Variants in ZNF710 observed in about 807,000 individuals in gnomAD.
ZNF710 encodes zinc finger protein 710.
A neutral mutation model predicts 50.6 loss-of-function variants in ZNF710; 13 were observed. That is an observed-to-expected ratio of 0.26 (90% confidence interval 0.17 to 0.41). ZNF710 has a LOEUF of 0.41. Ranked by LOEUF, ZNF710 falls within the 10% of genes least tolerant of loss-of-function variation. ZNF710 has a pLI of 1.00. For synonymous variants in ZNF710, 383 were observed against 397.0 expected, an observed-to-expected ratio of 0.96 and a Z score of 0.42; for missense variants, 721 against 936.6, an observed-to-expected ratio of 0.77 and a Z score of 3.01.
At chr15:90,060,165 T>A (rs1386357662) in intron 1 of ZNF710, among the ~76,000 whole-genome samples, 3 of 150,084 alleles carry the variant, frequency 2.0e-5, no homozygotes, top group African/African-American at 7.3e-5. Flanking sequence ...GGACTGAGCT[T>A]ACGCAAGTCA....
chr15:90,008,441 C>CATATATATATATACATATATATAT (rs1011267136), intron 1 of ZNF710, among the ~76,000 whole-genome samples: 8 of 126,470 alleles, frequency 6.3e-5, no homozygotes, highest in African/African-American at 2.7e-4. Flanking sequence ...TATATATATA[C>CATATATATATATACATATATATAT]ATATATATAT....
rs191561365 is a variant in ZNF710, at chr15:90,039,773, C to T, written c.-28-27337C>T. Among the ~76,000 whole-genome samples the T allele has an allele frequency of 5.5e-4, 83 of 152,260 alleles. 1 individual carries two copies. In the East Asian group the frequency reaches 0.014, roughly 25 times the overall value. On this transcript the variant is annotated intron_variant, in intron 1 of 4. Coordinates refer to ENST00000268154, the MANE Select transcript of ZNF710 (RefSeq NM_198526.4). ...GCACCTCTTTCACCTCCTTGGGTTT[C>T]CTCTGCATCTGCCGTGGTCTGGGAA... is the stretch of plus-strand genomic sequence containing the variant.
intron 1 of ZNF710, among the ~76,000 whole-genome samples, chr15:90,047,436 A>G (rs1039792994): frequency 1.3e-5 from 2 of 152,328 alleles, no homozygotes; most frequent in African/African-American, 4.8e-5. Context: ...TCAGGCCTTC[A>G]ACTCTAGAGT....
chr15:90,045,830 G>A (rs1899442591), intron 1 of ZNF710, among the ~76,000 whole-genome samples: 1 of 152,182 alleles, frequency 6.6e-6, no homozygotes, highest in Admixed American at 6.5e-5. Flanking sequence ...TTGAGCTGGA[G>A]GCCAGAGAGG....
chr15:90,014,192 A>C (rs960211874), intron 1 of ZNF710, among the ~76,000 whole-genome samples: 1 of 152,020 alleles, frequency 6.6e-6, no homozygotes, highest in South Asian at 2.1e-4. Context: ...TGAGGTCTCT[A>C]CTTGTTCTAA....
intron 3 of ZNF710, 110 bp from the exon 4 acceptor site, chr15:90,074,006 A>AAAAAAC: frequency 8.1e-7 from 1 of 1,235,992 alleles, no homozygotes; most frequent in Non-Finnish European, 1.1e-6. Flanking sequence ...AAAACAAAAA[A>AAAAAAC]AAAAAACAAA....
chr15:90,012,098 G>A (rs963676157), intron 1 of ZNF710, among the ~76,000 whole-genome samples: 8 of 151,956 alleles, frequency 5.3e-5, no homozygotes, highest in African/African-American at 4.8e-5. Context: ...CCAGCTACTC[G>A]GGAGGCTGAG....
At chr15:90,000,579 C>G (rs919304826), upstream of ZNF710, among the ~76,000 whole-genome samples, 9 of 152,186 alleles carry the variant, frequency 5.9e-5, no homozygotes, top group African/African-American at 2.2e-4. Flanking sequence ...GCTCGGAGCC[C>G]GCGCCGCTCC....
chr15:90,064,509 A>T (rs1900108282), intron 1 of ZNF710, among the ~76,000 whole-genome samples: 1 of 152,118 alleles, frequency 6.6e-6, no homozygotes, highest in South Asian at 2.1e-4. Context: ...TTCCTTTGAG[A>T]CAGAGTCTCA....
chr15:90,008,302 G>A (rs1421581681), intron 1 of ZNF710, among the ~76,000 whole-genome samples: 1 of 150,502 alleles, frequency 6.6e-6, no homozygotes, highest in Non-Finnish European at 1.5e-5. Flanking sequence ...TGTGTTGTTT[G>A]AATTTTTATC....
At chr15:90,027,191 A>C (rs1170868444) in intron 1 of ZNF710, among the ~76,000 whole-genome samples, 1 of 152,186 alleles carries the variant, frequency 6.6e-6, no homozygotes, top group African/African-American at 2.4e-5. Context: ...CTACCTTAAA[A>C]AATTGTAACT....
At chr15:90,057,013 A>G (rs1596292541) in intron 1 of ZNF710, among the ~76,000 whole-genome samples, 1 of 151,668 alleles carries the variant, frequency 6.6e-6, no homozygotes. Flanking sequence ...CTCCTCAGAC[A>G]CCCACCCCGC....
intron 1 of ZNF710, among the ~76,000 whole-genome samples, chr15:90,038,518 C>T (rs949798281): frequency 3.9e-5 from 6 of 152,174 alleles, no homozygotes; most frequent in Non-Finnish European, 8.8e-5. Context: ...TTTGCAACCA[C>T]GGTGCCATCA....
intron 1 of ZNF710, among the ~76,000 whole-genome samples, chr15:90,021,578 AT>A (rs2151475517): frequency 6.6e-6 from 1 of 152,284 alleles, no homozygotes; most frequent in East Asian, 1.9e-4. Context: ...ATCAGCAAAC[AT>A]TTACCAACTA....
chr15:90,071,251 GA>G (rs1900371430), intron 2 of ZNF710, among the ~76,000 whole-genome samples: 1 of 133,906 alleles, frequency 7.5e-6, no homozygotes, highest in South Asian at 2.6e-4. Context: ...ACAAAAGCAA[GA>G]CTCTGTCTTA....
intron 2 of ZNF710, among the ~76,000 whole-genome samples, chr15:90,071,246 A>G (rs1467126074): frequency 6.9e-6 from 1 of 145,920 alleles, no homozygotes; most frequent in Non-Finnish European, 1.5e-5. Flanking sequence ...GGGCAACAAA[A>G]GCAAGACTCT....
chr15:90,058,701 T>TATATATATATATATATATATATATATA (rs1567236919), intron 1 of ZNF710, among the ~76,000 whole-genome samples: 11 of 143,542 alleles, frequency 7.7e-5, no homozygotes, highest in South Asian at 2.2e-4. Flanking sequence ...CACTATATAT[T>TATATATATATATATATATATATATATA]TATATATATA....
chr15:90,046,707 G>A (rs1899473282), intron 1 of ZNF710, among the ~76,000 whole-genome samples: 2 of 152,210 alleles, frequency 1.3e-5, no homozygotes, highest in African/African-American at 2.4e-5. Context: ...CAAGTTGGGT[G>A]CTAACACCCA....
chr15:90,053,567 T>C (rs1899713359), intron 1 of ZNF710, among the ~76,000 whole-genome samples: 1 of 152,160 alleles, frequency 6.6e-6, no homozygotes, highest in South Asian at 2.1e-4. Context: ...CTCGAACTCC[T>C]GAGCTCAAAT....
Sources: gnomAD v4.1 joint callset for allele counts (sites outside exome capture counted in the v4.1 genomes callset) on GRCh38, gnomAD v4.1.1 for gene constraint, MANE v1.5 for transcripts, NCBI Gene and HGNC (gene_info 2026-07-23, HGNC 2026-07-21) for gene names.